The following CPA6 variants were observed in gnomAD, a reference collection of about 807,000 sequenced individuals.
The protein encoded by CPA6 is carboxypeptidase B.
CPA6 carries 58 observed loss-of-function variants against 63.3 expected under a neutral mutation model. The ratio of observed to expected loss-of-function variants is 0.92; its 90% CI spans 0.74 to 1.14. The LOEUF (loss-of-function observed/expected upper bound fraction) is 1.14, where lower values mean the gene tolerates loss of function less well. CPA6 is among the 50% of genes most tolerant of loss of function. CPA6 has a pLI of 0.00. For missense variants in CPA6, 565 were observed against 526.6 expected, an observed-to-expected ratio of 1.07 and a Z score of -0.71; for synonymous variants, 185 against 179.0, an observed-to-expected ratio of 1.03 and a Z score of -0.27.
chr8:67,681,818 A>G (rs1816604661), intron 1 of CPA6, among the ~76,000 whole-genome samples: 2 of 152,176 alleles, frequency 1.3e-5, no homozygotes, highest in Non-Finnish European at 2.9e-5. Context: ...AAACAGTCTC[A>G]AAATCAGGTA....
chr8:67,456,077 T>G (rs1810671522), intron 8 of CPA6, among the ~76,000 whole-genome samples: 2 of 152,180 alleles, frequency 1.3e-5, no homozygotes, highest in African/African-American at 2.4e-5. Context: ...AAACAAAAAT[T>G]TTAATGTAAT....
At chr8:67,682,614 T>C (rs1816621276) in intron 1 of CPA6, among the ~76,000 whole-genome samples, 1 of 152,274 alleles carries the variant, frequency 6.6e-6, no homozygotes, top group Non-Finnish European at 1.5e-5. Context: ...CTTGGACATT[T>C]GTTTTGTATT....
At chr8:67,593,491 A>C (rs1358477396) in intron 2 of CPA6, among the ~76,000 whole-genome samples, 1 of 152,156 alleles carries the variant, frequency 6.6e-6, no homozygotes, top group Non-Finnish European at 1.5e-5. Flanking sequence ...GGGGTGTTAA[A>C]GTCTCCCATT....
intron 1 of CPA6, among the ~76,000 whole-genome samples, chr8:67,626,645 T>C (rs1815200744): frequency 6.6e-6 from 1 of 152,228 alleles, no homozygotes; most frequent in South Asian, 2.1e-4. Flanking sequence ...TGATATACAT[T>C]TCTCTGACCT....
At chr8:67,573,036 T>A (rs7844157) in intron 2 of CPA6, among the ~76,000 whole-genome samples, 72,033 of 152,080 alleles carry the variant, frequency 0.47, 19,137 homozygotes, top group African/African-American at 0.71. Flanking sequence ...TGATTATTTC[T>A]TTAAATGCAA....
intron 8 of CPA6, among the ~76,000 whole-genome samples, chr8:67,473,157 G>A (rs1021219377): frequency 2.0e-5 from 3 of 152,122 alleles, no homozygotes; most frequent in Non-Finnish European, 4.4e-5. Flanking sequence ...GAGAAGAAAA[G>A]GAAAGCTTTT....
chr8:67,573,720 G>C (rs1813546839), intron 2 of CPA6, among the ~76,000 whole-genome samples: 1 of 151,490 alleles, frequency 6.6e-6, no homozygotes, highest in Admixed American at 6.6e-5. Context: ...GTGAAACCCT[G>C]TCTCTACTAA....
chr8:67,695,637 G>C (rs1224969296), intron 1 of CPA6, among the ~76,000 whole-genome samples: 1 of 152,200 alleles, frequency 6.6e-6, no homozygotes, highest in African/African-American at 2.4e-5. Context: ...GAATTCATTG[G>C]TCTTACCATG....
At chr8:67,507,954 CT>C in intron 5 of CPA6, among the ~76,000 whole-genome samples, 1 of 150,702 alleles carries the variant, frequency 6.6e-6, no homozygotes, top group East Asian at 2.0e-4. Context: ...TCCCTGGATA[CT>C]AAATAAAAGA....
intron 2 of CPA6, among the ~76,000 whole-genome samples, chr8:67,550,816 T>C (rs1232347697): frequency 3.3e-5 from 5 of 152,238 alleles, no homozygotes; most frequent in Non-Finnish European, 5.9e-5. Context: ...TTCACGTGTT[T>C]GTTGGCCACT....
chr8:67,629,044 GGCAGAAGTT>G (rs1048849415), intron 1 of CPA6, among the ~76,000 whole-genome samples: 4 of 152,186 alleles, frequency 2.6e-5, no homozygotes, highest in Admixed American at 2.6e-4. Context: ...GAACCTGGCA[GGCAGAAGTT>G]GCAGTGAGCT....
chr8:67,625,795 T>G (rs1387042064), intron 1 of CPA6, among the ~76,000 whole-genome samples: 1 of 152,202 alleles, frequency 6.6e-6, no homozygotes, highest in African/African-American at 2.4e-5. Context: ...AACTTGTCTC[T>G]CCAACCCCAA....
At chr8:67,480,977 T>C (rs1331466945) in intron 8 of CPA6, among the ~76,000 whole-genome samples, 2 of 152,204 alleles carry the variant, frequency 1.3e-5, no homozygotes, top group Non-Finnish European at 1.5e-5. Context: ...TTTTGGAGAG[T>C]ATCTGTTGAA....
At chr8:67,737,781 T>C (rs1156830193) in intron 1 of CPA6, among the ~76,000 whole-genome samples, 1 of 152,240 alleles carries the variant, frequency 6.6e-6, no homozygotes, top group Non-Finnish European at 1.5e-5. Context: ...CCAATGACTC[T>C]AGAGAATAGG....
intron 1 of CPA6, among the ~76,000 whole-genome samples, chr8:67,691,727 A>G (rs1816817910): frequency 6.6e-6 from 1 of 152,186 alleles, no homozygotes; most frequent in South Asian, 2.1e-4. Context: ...TTAAAAATAT[A>G]TCTTATGTTT....
chr8:67,717,101 C>A (rs1053877001), intron 1 of CPA6, among the ~76,000 whole-genome samples: 5 of 152,166 alleles, frequency 3.3e-5, no homozygotes, highest in African/African-American at 1.2e-4. Flanking sequence ...TCTAATTATT[C>A]TCCTCATCCC....
At chr8:67,621,848 CCTTT>C (rs1040861347) in intron 2 of CPA6, among the ~76,000 whole-genome samples, 1 of 152,156 alleles carries the variant, frequency 6.6e-6, no homozygotes, top group African/African-American at 2.4e-5. Context: ...CAGGTGGCCG[CCTTT>C]CTTTGAGGAC....
At chr8:67,474,059 C>A (rs1006509984) in intron 8 of CPA6, among the ~76,000 whole-genome samples, 7 of 152,132 alleles carry the variant, frequency 4.6e-5, no homozygotes, top group African/African-American at 1.7e-4. Flanking sequence ...CCACACACTT[C>A]CATAATGGTA....
intron 1 of CPA6, among the ~76,000 whole-genome samples, chr8:67,655,032 G>A (rs447744): frequency 0.28 from 42,995 of 151,978 alleles, 6,270 homozygotes; most frequent in African/African-American, 0.36. Flanking sequence ...TAGCATACAG[G>A]CATTCTTTGA....
Sources: gnomAD v4.1 joint callset for allele counts (sites outside exome capture counted in the v4.1 genomes callset) on GRCh38, gnomAD v4.1.1 for gene constraint, MANE v1.5 for transcripts, NCBI Gene and HGNC (gene_info 2026-07-23, HGNC 2026-07-21) for gene names.